The following KIR2DL4 variants were observed in gnomAD, a reference collection of about 807,000 sequenced individuals.
KIR2DL4 encodes killer cell immunoglobulin-like receptor 2DL4.
KIR2DL4 carries 41 observed loss-of-function variants against 31.0 expected under a neutral mutation model. The observed-to-expected ratio is 1.32, with a 90% CI of 1.03 to 1.72. KIR2DL4 has a LOEUF of 1.72. KIR2DL4 is among the 40% of genes most tolerant of loss of function. The probability of loss-of-function intolerance (pLI) is 0.00; values close to 1 mark genes in which losing one functional copy is unlikely to be tolerated. For synonymous variants in KIR2DL4, 164 were observed against 133.6 expected, an observed-to-expected ratio of 1.23 and a Z score of -1.57; for missense variants, 438 against 353.7, an observed-to-expected ratio of 1.24 and a Z score of -1.91.
At chr19:54,814,206 G>A in exon 8 of KIR2DL4, 2 of 1,392,676 alleles carry the variant, frequency 1.4e-6, no homozygotes, top group Non-Finnish European at 2.0e-6. Context: ...CCCACTGCCT[G>A]CTGCAGAGAA....
chr19:54,804,859 C>A, exon 3 of KIR2DL4: 1 of 1,612,394 alleles, frequency 6.2e-7, no homozygotes. Flanking sequence ...GGACACGTGA[C>A]TCTTCGGTGT....
chr19:54,808,922 C>T, intron 5 of KIR2DL4, 39 bp downstream of exon 5: 1 of 1,526,984 alleles, frequency 6.5e-7, no homozygotes, highest in Non-Finnish European at 9.1e-7. Context: ...TTTTGGAAAC[C>T]TGGGGAGGTA....
At chr19:54,810,744 C>T (rs2060817497) in intron 5 of KIR2DL4, among the ~76,000 whole-genome samples, 1 of 151,158 alleles carries the variant, frequency 6.6e-6, no homozygotes, top group African/African-American at 2.4e-5. Context: ...ATACTCACAG[C>T]CATTGGACTT....
At chr19:54,813,337 A>G (rs2060990849) in intron 6 of KIR2DL4, 2 of 1,525,032 alleles carry the variant, frequency 1.3e-6, no homozygotes, top group Non-Finnish European at 1.8e-6. Flanking sequence ...GGCCCAAGGC[A>G]GGAGCCAGAG....
chr19:54,811,206 T>C (rs1158190380), intron 5 of KIR2DL4, among the ~76,000 whole-genome samples: 2 of 150,946 alleles, frequency 1.3e-5, no homozygotes. Flanking sequence ...GAGATCAGCC[T>C]GGACAACATG....
chr19:54,804,919 T>C, exon 3 of KIR2DL4: 1 of 1,611,908 alleles, frequency 6.2e-7, no homozygotes, highest in Non-Finnish European at 8.5e-7. Context: ...AAAGATGGGG[T>C]CCCTGTCCCT....
At chr19:54,805,792 C>A (rs796278989) in intron 3 of KIR2DL4, among the ~76,000 whole-genome samples, 159 bp from the exon 4 acceptor site, 1 of 150,142 alleles carries the variant, frequency 6.7e-6, no homozygotes, top group East Asian at 1.9e-4. Context: ...AGGCTGGAAC[C>A]ACATAGGGAG....
chr19:54,812,533 G>GGGTATCT (rs2060924125), intron 5 of KIR2DL4, among the ~76,000 whole-genome samples: 1 of 150,518 alleles, frequency 6.6e-6, no homozygotes, highest in African/African-American at 2.5e-5. Flanking sequence ...ACTTGAGCCT[G>GGGTATCT]GGTATCTTCT....
intron 5 of KIR2DL4, among the ~76,000 whole-genome samples, chr19:54,811,142 T>G (rs1323973757): frequency 6.6e-6 from 1 of 151,326 alleles, no homozygotes; most frequent in Non-Finnish European, 1.5e-5. Flanking sequence ...CTCACACCTG[T>G]AACCCAACAT....
At chr19:54,806,978 G>T (rs1293673139) in intron 4 of KIR2DL4, among the ~76,000 whole-genome samples, 3 of 150,508 alleles carry the variant, frequency 2.0e-5, no homozygotes, top group Non-Finnish European at 2.9e-5. Context: ...TCATGCCACT[G>T]CACTGCAGCC....
chr19:54,809,472 T>TA (rs1423551519), intron 5 of KIR2DL4, among the ~76,000 whole-genome samples: 2 of 150,734 alleles, frequency 1.3e-5, no homozygotes, highest in Admixed American at 6.6e-5. Flanking sequence ...ACCACATTTT[T>TA]AAAAAATATC....
Position 54,803,939 on chromosome 19 carries a change from C to A in KIR2DL4, c.76+13C>A. The A allele has an allele frequency of 6.2e-7, 1 of 1,607,572 alleles. No individual in the cohort carries two copies. Among genetic ancestry groups the A allele is most frequent in the Non-Finnish European group, 8.5e-7 (1 of 1,177,104 alleles). The stretch of plus-strand genomic sequence containing the variant: ...TGGGCACACGTGGGTGAGTCCTTCC[C>A]CAAATGATGGGTTGCCATCTTCACC... On this transcript the variant is annotated intron_variant, in intron 2 of 7. Transcript: ENST00000359085.
intron 5 of KIR2DL4, among the ~76,000 whole-genome samples, chr19:54,809,214 G>T (rs1289105440): frequency 6.6e-6 from 1 of 150,524 alleles, no homozygotes; most frequent in Non-Finnish European, 1.5e-5. Context: ...GGGAAGGAAG[G>T]GGAACATTTT....
chr19:54,806,122 T>G (rs1301140282), exon 4 of KIR2DL4: 2 of 1,611,900 alleles, frequency 1.2e-6, no homozygotes, highest in Non-Finnish European at 8.5e-7. Context: ...AATGGAACAT[T>G]CCAGGCCGAC....
chr19:54,805,713 A>G (rs2060473594), intron 3 of KIR2DL4, among the ~76,000 whole-genome samples: 1 of 151,222 alleles, frequency 6.6e-6, no homozygotes. Context: ...GTGAAGGACA[A>G]GTTAAAAAAC....
intron 7 of KIR2DL4, 29 bp downstream of exon 6, chr19:54,813,771 T>C: frequency 6.2e-7 from 1 of 1,611,472 alleles, no homozygotes; most frequent in Admixed American, 1.7e-5. Context: ...GCCTCATGGA[T>C]ACAGTCTTAT....
At chr19:54,804,149 G>GGAGTCTCTCATGAAC (rs1216606664) in intron 2 of KIR2DL4, among the ~76,000 whole-genome samples, 82 of 150,370 alleles carry the variant, frequency 5.5e-4, no homozygotes, top group African/African-American at 7.9e-4. Context: ...GGAGATCCTG[G>GGAGTCTCTCATGAAC]TATGCTCAGC....
chr19:54,806,332 C>T, intron 4 of KIR2DL4, 88 bp downstream of exon 4: 1 of 1,377,890 alleles, frequency 7.3e-7, no homozygotes, highest in Non-Finnish European at 1.0e-6. Flanking sequence ...GAAGCATGGA[C>T]AGATGTGGAG....
At chr19:54,803,633 T>C in exon 1 of KIR2DL4, 1 of 1,612,162 alleles carries the variant, frequency 6.2e-7, no homozygotes, top group Non-Finnish European at 8.5e-7. Flanking sequence ...CACTGCGTCC[T>C]GGCAGCAGAA....
Sources: allele counts gnomAD v4.1 joint callset (sites outside exome capture counted in the v4.1 genomes callset), GRCh38; gene constraint gnomAD v4.1.1; transcripts MANE v1.5; gene names NCBI Gene and HGNC (gene_info 2026-07-23, HGNC 2026-07-21).